The following MAPK10 variants were observed in gnomAD, a reference collection of about 807,000 sequenced individuals.
The protein encoded by MAPK10 is mitogen-activated protein kinase 10.
A neutral mutation model predicts 59.3 loss-of-function variants in MAPK10; 25 were observed. The ratio of observed to expected loss-of-function variants is 0.42; its 90% CI spans 0.31 to 0.59. MAPK10 has a LOEUF of 0.59. Among genes scored for constraint, MAPK10 ranks in the 20% least tolerant of loss-of-function variants. MAPK10 has a pLI of 0.15. For synonymous variants in MAPK10, 190 were observed against 200.5 expected (o/e 0.95, Z 0.44); for missense variants, 351 against 568.9 (o/e 0.62, Z 3.90).
intron 4 of MAPK10, among the ~76,000 whole-genome samples, chr4:86,111,706 C>G (rs1296177804): frequency 6.6e-6 from 1 of 152,130 alleles, no homozygotes; most frequent in East Asian, 1.9e-4. Flanking sequence ...TGTTATATCT[C>G]TGCCAGGTTT....
At chr4:86,094,761 T>C (rs529584252) in intron 9 of MAPK10, among the ~76,000 whole-genome samples, 3 of 151,808 alleles carry the variant, frequency 2.0e-5, no homozygotes, top group Non-Finnish European at 4.4e-5. Flanking sequence ...GTAAATTTTA[T>C]TGAAAGGAAC....
chr4:86,224,664 C>T (rs1461795829), intron 2 of MAPK10, among the ~76,000 whole-genome samples: 1 of 152,160 alleles, frequency 6.6e-6, no homozygotes, highest in African/African-American at 2.4e-5. Flanking sequence ...AATATCAATG[C>T]TATTGATTTA....
intron 1 of MAPK10, among the ~76,000 whole-genome samples, chr4:86,484,344 A>C (rs1753825826): frequency 6.6e-6 from 1 of 152,190 alleles, no homozygotes; most frequent in Non-Finnish European, 1.5e-5. Context: ...CAAAACTTTA[A>C]ATAACTTGTC....
chr4:86,377,834 G>C (rs978427758), intron 1 of MAPK10, among the ~76,000 whole-genome samples: 1 of 152,076 alleles, frequency 6.6e-6, no homozygotes, highest in African/African-American at 2.4e-5. Flanking sequence ...CTTGGAGTCC[G>C]ATGTTCGAGG....
At chr4:86,149,316 G>A (rs1028425013) in intron 4 of MAPK10, among the ~76,000 whole-genome samples, 10 of 152,008 alleles carry the variant, frequency 6.6e-5, no homozygotes, top group Admixed American at 3.3e-4. Context: ...ACCCAGGCTG[G>A]AGTGAAGTGC....
At chr4:86,081,255 T>C (rs1406000375) in intron 9 of MAPK10, 1 of 152,062 alleles carries the variant, frequency 6.6e-6, no homozygotes, top group East Asian at 1.9e-4. Flanking sequence ...CCATGTGGAC[T>C]AATGGTTTAA....
chr4:86,350,536 A>G (rs1430838695), intron 2 of MAPK10, among the ~76,000 whole-genome samples: 4 of 152,032 alleles, frequency 2.6e-5, no homozygotes, highest in Non-Finnish European at 4.4e-5. Context: ...TTTAGTAGAG[A>G]CAGGGTTTCA....
At chr4:86,300,233 T>C (rs984908125) in intron 2 of MAPK10, among the ~76,000 whole-genome samples, 3 of 152,204 alleles carry the variant, frequency 2.0e-5, no homozygotes, top group South Asian at 4.1e-4. Flanking sequence ...TTCATTAGTT[T>C]ATATTTGTAA....
At chr4:86,504,072 C>T (rs1755539207) in intron 1 of MAPK10, among the ~76,000 whole-genome samples, 1 of 152,096 alleles carries the variant, frequency 6.6e-6, no homozygotes, top group Non-Finnish European at 1.5e-5. Context: ...CCCCAGCCTA[C>T]CCAGATAATC....
At chr4:86,540,947 A>T (rs1758640870) in intron 1 of MAPK10, among the ~76,000 whole-genome samples, 1 of 152,176 alleles carries the variant, frequency 6.6e-6, no homozygotes, top group Non-Finnish European at 1.5e-5. Flanking sequence ...GAACAACAAA[A>T]GCAGAGGTAC....
At chr4:86,236,962 G>T (rs2092292349) in intron 2 of MAPK10, among the ~76,000 whole-genome samples, 1 of 151,900 alleles carries the variant, frequency 6.6e-6, no homozygotes, top group Non-Finnish European at 1.5e-5. Flanking sequence ...TGCACCTGTT[G>T]ACCCATCCTC....
At chr4:86,278,415 C>T (rs779208260) in intron 2 of MAPK10, among the ~76,000 whole-genome samples, 6 of 152,020 alleles carry the variant, frequency 3.9e-5, no homozygotes, top group African/African-American at 1.2e-4. Context: ...TCACAGGGAA[C>T]GTTAGTTATG....
Position 86,278,858 on chromosome 4 carries a change from C to T in MAPK10, c.-7+75672G>A, listed in dbSNP as rs80057438. Among the ~76,000 whole-genome samples the T allele has an allele frequency of 2.9e-3, 448 of 152,052 alleles. 4 individuals carry two copies. The highest frequency in any genetic ancestry group is 0.011 in the African/African-American group (436 of 41,490). On this transcript the variant is annotated intron_variant, in intron 2 of 13. Transcript: ENST00000641462. ...CTACCTGAACAAATGTTAAAAGTCACAAGAGACAAAGAAAGACAAAGGATT... is the reference window on the plus strand; with the variant it reads ...CTACCTGAACAAATGTTAAAAGTCATAAGAGACAAAGAAAGACAAAGGATT...
intron 2 of MAPK10, among the ~76,000 whole-genome samples, chr4:86,304,392 T>C (rs72663912): frequency 0.047 from 4,152 of 88,328 alleles, 84 homozygotes; most frequent in Non-Finnish European, 0.072. Flanking sequence ...TATTTCTTTT[T>C]TTTTTTTTTT....
chr4:86,148,716 G>C (rs2065627780), intron 4 of MAPK10, among the ~76,000 whole-genome samples: 2 of 152,176 alleles, frequency 1.3e-5, no homozygotes, highest in Non-Finnish European at 2.9e-5. Flanking sequence ...ATCGTGAAGG[G>C]CAAGTTTGAG....
chr4:86,408,235 A>C (rs367627493), intron 1 of MAPK10, among the ~76,000 whole-genome samples: 2 of 151,970 alleles, frequency 1.3e-5, no homozygotes, highest in African/African-American at 4.8e-5. Flanking sequence ...TGAACTCATC[A>C]TTTTTTATGG....
intron 1 of MAPK10, among the ~76,000 whole-genome samples, chr4:86,386,860 T>C (rs893379882): frequency 3.3e-5 from 5 of 152,148 alleles, no homozygotes; most frequent in African/African-American, 1.2e-4. Context: ...CAGAATGATC[T>C]GGGGCTCTGA....
intron 2 of MAPK10, among the ~76,000 whole-genome samples, chr4:86,264,155 T>C (rs1474544354): frequency 2.0e-5 from 3 of 152,224 alleles, no homozygotes; most frequent in Non-Finnish European, 4.4e-5. Context: ...ATTTTGAAAT[T>C]TGAAGTTAAC....
At chr4:86,496,725 A>T (rs955647784) in intron 1 of MAPK10, among the ~76,000 whole-genome samples, 4 of 152,224 alleles carry the variant, frequency 2.6e-5, no homozygotes, top group Non-Finnish European at 5.9e-5. Flanking sequence ...AGCATAAAGA[A>T]ATCCAACAAA....
Sources: allele counts gnomAD v4.1 joint callset (sites outside exome capture counted in the v4.1 genomes callset), GRCh38; gene constraint gnomAD v4.1.1; transcripts MANE v1.5; gene names NCBI Gene and HGNC (gene_info 2026-07-23, HGNC 2026-07-21).